The following RIGI variants were observed in gnomAD, a reference collection of about 807,000 sequenced individuals.
RIGI encodes the protein antiviral innate immune response receptor RIG-I.
the RIGI span, chr9:32,488,112 G>A: frequency 1.2e-5 from 19 of 1,613,994 alleles, no homozygotes; most frequent in Middle Eastern, 4.9e-4. Flanking sequence ...ACAAGAATCT[G>A]TGGAGTTAAA....
chr9:32,505,187 A>G, the RIGI span, among the ~76,000 whole-genome samples: 1 of 150,960 alleles, frequency 6.6e-6, no homozygotes, highest in African/African-American at 2.4e-5. Flanking sequence ...AACTTTATCA[A>G]TCTAATAGAA....
At chr9:32,498,325 T>C in the RIGI span, 1 of 456,618 alleles carries the variant, frequency 2.2e-6, no homozygotes, top group Non-Finnish European at 4.4e-6. Flanking sequence ...CCCAGGTGCA[T>C]GCTTCTACTT....
chr9:32,476,514 G>T, the RIGI span, among the ~76,000 whole-genome samples: 1 of 147,572 alleles, frequency 6.8e-6, no homozygotes, highest in African/African-American at 2.5e-5. Flanking sequence ...CTAAGTGGGG[G>T]AAAAAAAAAC....
chr9:32,485,351 C>A, the RIGI span: 1 of 1,093,588 alleles, frequency 9.1e-7, no homozygotes, highest in South Asian at 1.4e-5. Flanking sequence ...GATTGTAGTT[C>A]AAAGTAGGTA....
the RIGI span, chr9:32,488,773 T>C: frequency 6.2e-7 from 1 of 1,611,846 alleles, no homozygotes. Flanking sequence ...AGATTTCTGC[T>C]GTTCATACAC....
the RIGI span, among the ~76,000 whole-genome samples, chr9:32,508,515 T>C: frequency 1.3e-5 from 2 of 151,948 alleles, no homozygotes; most frequent in Non-Finnish European, 2.9e-5. Context: ...CTCCCTCCCC[T>C]AGCCAAGGGA....
chr9:32,526,046 G>C, the RIGI span: 2 of 1,594,134 alleles, frequency 1.3e-6, no homozygotes. Context: ...AGAAGGCGCC[G>C]CTGGAGACAC....
At chr9:32,456,925 G>T in the RIGI span, 19 of 552,692 alleles carry the variant, frequency 3.4e-5, no homozygotes, top group Non-Finnish European at 5.7e-5. Flanking sequence ...TATGAGCTCT[G>T]TTGGCCTACA....
the RIGI span, among the ~76,000 whole-genome samples, chr9:32,464,655 G>A: frequency 6.6e-6 from 1 of 152,186 alleles, no homozygotes; most frequent in Non-Finnish European, 1.5e-5. Flanking sequence ...GGGATTACAG[G>A]CATGAGCCAC....
chr9:32,486,947 C>A, the RIGI span, among the ~76,000 whole-genome samples: 1 of 152,170 alleles, frequency 6.6e-6, no homozygotes, highest in Non-Finnish European at 1.5e-5. Flanking sequence ...AGGGTGAAGT[C>A]ATATATATTT....
the RIGI span, among the ~76,000 whole-genome samples, chr9:32,522,084 T>TA: frequency 6.6e-6 from 1 of 152,328 alleles, no homozygotes; most frequent in African/African-American, 2.4e-5. Flanking sequence ...GAGTCCCTCT[T>TA]AATTAAAAGG....
the RIGI span, among the ~76,000 whole-genome samples, chr9:32,517,045 G>A: frequency 6.6e-6 from 1 of 152,302 alleles, no homozygotes; most frequent in East Asian, 1.9e-4. Context: ...TTGGAATCTG[G>A]AGTTGGCTGT....
chr9:32,512,377 G>A, the RIGI span, among the ~76,000 whole-genome samples: 2 of 152,098 alleles, frequency 1.3e-5, no homozygotes, highest in African/African-American at 4.8e-5. Context: ...ACCATAATCA[G>A]GTCTGCTTCA....
the RIGI span, among the ~76,000 whole-genome samples, chr9:32,462,257 A>G: frequency 6.6e-6 from 1 of 152,084 alleles, no homozygotes; most frequent in South Asian, 2.1e-4. Context: ...TTCTACATGC[A>G]TGAGCTACAC....
At chr9:32,488,140 C>T in the RIGI span, 4 of 1,614,022 alleles carry the variant, frequency 2.5e-6, no homozygotes, top group South Asian at 1.1e-5. Context: ...TGTCATTGTT[C>T]TCAACAATCT....
At chr9:32,492,549 T>C in the RIGI span, 20 of 1,613,476 alleles carry the variant, frequency 1.2e-5, no homozygotes, top group Non-Finnish European at 1.6e-5. Context: ...CTAAGCAAGG[T>C]AACTGTAGTT....
chr9:32,463,006 A>AATT, the RIGI span, among the ~76,000 whole-genome samples: 1 of 152,026 alleles, frequency 6.6e-6, no homozygotes, highest in African/African-American at 2.4e-5. Flanking sequence ...AAACTACAAA[A>AATT]ATTAGTGATG....
chr9:32,493,655 T>C, the RIGI span: 10 of 751,072 alleles, frequency 1.3e-5, no homozygotes, highest in South Asian at 2.2e-4. Flanking sequence ...ATGAGTACTT[T>C]TGTGGGTTTC....
chr9:32,494,949 C>T, the RIGI span, among the ~76,000 whole-genome samples: 1 of 152,068 alleles, frequency 6.6e-6, no homozygotes, highest in Non-Finnish European at 1.5e-5. Flanking sequence ...GTTGCTTCTA[C>T]CTTGTAAGCT....
Sources: gnomAD v4.1 joint callset for allele counts (sites outside exome capture counted in the v4.1 genomes callset) on GRCh38, gnomAD v4.1.1 for gene constraint, MANE v1.5 for transcripts, NCBI Gene and HGNC (gene_info 2026-07-23, HGNC 2026-07-21) for gene names.